Variants in TBC1D22A observed in about 807,000 individuals in gnomAD.
The protein encoded by TBC1D22A is putative GTPase activator.
Under a neutral mutation model 60.2 loss-of-function variants are expected in TBC1D22A, and 38 were observed. That is an observed-to-expected ratio of 0.63 (90% CI 0.49 to 0.83). The LOEUF (loss-of-function observed/expected upper bound fraction) is 0.83. Ranked by LOEUF, TBC1D22A falls within the 40% of genes least tolerant of loss-of-function variation. The pLI is 0.00. For synonymous variants in TBC1D22A, 302 were observed against 281.7 expected (o/e 1.07, Z -0.72); for missense variants, 628 against 701.0 (o/e 0.90, Z 1.18).
At chr22:46,796,083 C>T (rs1020204172) in intron 3 of TBC1D22A, among the ~76,000 whole-genome samples, 2 of 152,056 alleles carry the variant, frequency 1.3e-5, no homozygotes, top group South Asian at 4.2e-4. Flanking sequence ...TGGTGTGCGG[C>T]TGCTACAAAA....
intron 11 of TBC1D22A, among the ~76,000 whole-genome samples, chr22:47,103,424 G>A (rs568837402): frequency 2.3e-4 from 35 of 152,278 alleles, no homozygotes; most frequent in African/African-American, 7.7e-4. Flanking sequence ...GCATTCCCTC[G>A]TGGGGCAGCA....
At chr22:47,019,866 C>T (rs2062024110) in intron 10 of TBC1D22A, among the ~76,000 whole-genome samples, 1 of 150,840 alleles carries the variant, frequency 6.6e-6, no homozygotes, top group Admixed American at 6.6e-5. Flanking sequence ...CTTCATCCTT[C>T]CCCTCTCCCT....
chr22:46,936,321 A>G (rs62232700), intron 8 of TBC1D22A, among the ~76,000 whole-genome samples: 2 of 150,050 alleles, frequency 1.3e-5, no homozygotes, highest in South Asian at 2.1e-4. Context: ...GGCTCCTCGC[A>G]GTTCTGCACG....
intron 12 of TBC1D22A, among the ~76,000 whole-genome samples, chr22:47,136,723 G>A (rs990986099): frequency 1.8e-4 from 27 of 152,332 alleles, no homozygotes; most frequent in African/African-American, 5.8e-4. Flanking sequence ...TGCATGCCCC[G>A]TGGGACCAGG....
intron 11 of TBC1D22A, among the ~76,000 whole-genome samples, chr22:47,095,349 G>A (rs758381635): frequency 6.6e-6 from 1 of 152,192 alleles, no homozygotes; most frequent in Non-Finnish European, 1.5e-5. Flanking sequence ...TTTTTATTTC[G>A]TGCCAAAAAT....
intron 10 of TBC1D22A, among the ~76,000 whole-genome samples, chr22:47,015,635 T>C (rs1324794572): frequency 1.3e-5 from 2 of 152,182 alleles, no homozygotes; most frequent in Non-Finnish European, 2.9e-5. Flanking sequence ...TACTGTGCGG[T>C]GTCCATGCGG....
intron 12 of TBC1D22A, among the ~76,000 whole-genome samples, chr22:47,118,923 G>A (rs150495683): frequency 1.2e-4 from 19 of 152,290 alleles, no homozygotes; most frequent in Non-Finnish European, 2.1e-4. Context: ...AGGCCGAGGC[G>A]CGTGATCATG....
chr22:47,040,196 C>T (rs1317997572), intron 11 of TBC1D22A, among the ~76,000 whole-genome samples: 9 of 152,184 alleles, frequency 5.9e-5, no homozygotes, highest in East Asian at 1.9e-4. Flanking sequence ...CCACCTGCCT[C>T]GGCCTCCCAA....
At position 47,139,138 on chromosome 22, in the gene TBC1D22A, C is replaced by T. The variant is rs895756799; in HGVS notation, c.1425+27535C>T. On this transcript the variant is annotated intron_variant, in intron 12 of 12. Transcript: ENST00000337137. ...TTCTGAGTCCCACCCTGAGCCTTTG[C>T]GGGAGGGTGACGTCATGTGCTTTAT... Among the ~76,000 whole-genome samples the T allele has an allele frequency of 5.9e-5, 9 of 152,200 alleles. No homozygotes were observed. The South Asian group carries it at 1.4e-3, about 24-fold the overall frequency.
intron 11 of TBC1D22A, among the ~76,000 whole-genome samples, chr22:47,106,457 A>G (rs923706947): frequency 5.9e-5 from 9 of 152,268 alleles, no homozygotes; most frequent in African/African-American, 1.9e-4. Flanking sequence ...ATAGCATTCA[A>G]TAGCGGAGGC....
At chr22:46,824,682 CG>C (rs1048855938) in intron 4 of TBC1D22A, among the ~76,000 whole-genome samples, 1 of 151,568 alleles carries the variant, frequency 6.6e-6, no homozygotes, top group African/African-American at 2.4e-5. Flanking sequence ...TGGCTGGAGT[CG>C]GTGGAGGTGG....
intron 10 of TBC1D22A, among the ~76,000 whole-genome samples, chr22:47,029,381 C>T (rs131948): frequency 0.42 from 63,860 of 152,062 alleles, 15,533 homozygotes; most frequent in African/African-American, 0.68. Context: ...GCCATGTGTT[C>T]GCCAACAAGA....
At chr22:47,082,715 A>G (rs939727594) in intron 11 of TBC1D22A, among the ~76,000 whole-genome samples, 1 of 152,258 alleles carries the variant, frequency 6.6e-6, no homozygotes, top group Non-Finnish European at 1.5e-5. Context: ...CTAAAAATGA[A>G]AGAACTGACA....
chr22:47,146,444 C>T lies in TBC1D22A; in HGVS notation c.1426-27054C>T, dbSNP rs536124012. Among the ~76,000 whole-genome samples the T allele has an allele frequency of 3.3e-5, 5 of 152,260 alleles. No individual in the cohort carries two copies. In the South Asian group the frequency reaches 8.3e-4, roughly 25 times the overall value. On this transcript the variant is annotated intron_variant, in intron 12 of 12. Coordinates refer to ENST00000337137, the MANE Select transcript of TBC1D22A (RefSeq NM_014346.5). ...AGAAAAAAATCTATAAGCTTTATTCCCGAAGAGAGAAAGCCCAGACCCGTG... is the reference window on the plus strand; with the variant it reads ...AGAAAAAAATCTATAAGCTTTATTCTCGAAGAGAGAAAGCCCAGACCCGTG...
intron 10 of TBC1D22A, among the ~76,000 whole-genome samples, chr22:47,017,223 G>T (rs1261973502): frequency 6.6e-6 from 1 of 152,194 alleles, no homozygotes; most frequent in Non-Finnish European, 1.5e-5. Flanking sequence ...TAATAGAGTT[G>T]CTCTAGAGTG....
intron 7 of TBC1D22A, among the ~76,000 whole-genome samples, chr22:46,904,804 T>C (rs1314147084): frequency 7.0e-6 from 1 of 142,720 alleles, no homozygotes; most frequent in South Asian, 2.2e-4. Context: ...AGACAGAGTC[T>C]TAGTCTGTCA....
chr22:46,927,734 G>T (rs377085100), intron 8 of TBC1D22A, among the ~76,000 whole-genome samples: 8 of 152,196 alleles, frequency 5.3e-5, no homozygotes, highest in African/African-American at 1.9e-4. Flanking sequence ...ACCAATTCAG[G>T]TTTGTAGGAT....
chr22:47,007,505 TAAC>T (rs1223771391), intron 10 of TBC1D22A, among the ~76,000 whole-genome samples: 4 of 152,216 alleles, frequency 2.6e-5, no homozygotes, highest in Non-Finnish European at 4.4e-5. Context: ...GGACCCATAA[TAAC>T]ATACCACAGG....
At chr22:47,069,423 G>T (rs994018119) in intron 11 of TBC1D22A, among the ~76,000 whole-genome samples, 1 of 152,222 alleles carries the variant, frequency 6.6e-6, no homozygotes, top group African/African-American at 2.4e-5. Flanking sequence ...TTAACGGAAC[G>T]TGCTTCCACT....
Sources: gnomAD v4.1 joint callset for allele counts (sites outside exome capture counted in the v4.1 genomes callset) on GRCh38, gnomAD v4.1.1 for gene constraint, MANE v1.5 for transcripts, NCBI Gene and HGNC (gene_info 2026-07-23, HGNC 2026-07-21) for gene names.